ASIC2: variants seen among roughly 807,000 people sequenced by gnomAD.
ASIC2 encodes acid sensing ion channel subunit 2.
Under a neutral mutation model 57.3 loss-of-function variants are expected in ASIC2, and 25 were observed. The observed-to-expected ratio is 0.44, with a 90% CI of 0.32 to 0.61. ASIC2 has a LOEUF of 0.61. Ranked by LOEUF, ASIC2 falls within the 20% of genes least tolerant of loss-of-function variation. ASIC2 has a pLI of 0.06. For missense variants in ASIC2, 641 were observed against 738.1 expected, an observed-to-expected ratio of 0.87 and a Z score of 1.52; for synonymous variants, 319 against 307.5, an observed-to-expected ratio of 1.04 and a Z score of -0.39.
At chr17:33,111,093 G>A (rs111383020) in intron 2 of ASIC2, among the ~76,000 whole-genome samples, 1,901 of 152,198 alleles carry the variant, frequency 0.012, 35 homozygotes, top group African/African-American at 0.043. Context: ...CTTTGCCTCC[G>A]TCATCACACT....
rs61267122 is a variant in ASIC2 at position 33,496,603 on chromosome 17, GTTTTTT to G, written c.556-384542_556-384537del. On this transcript the variant is annotated intron_variant, in intron 1 of 9. Coordinates refer to the ASIC2 transcript ENST00000359872. The stretch of plus-strand genomic sequence containing the variant: ...GCAGAAAAGGAAATAGTTATTGTAG[GTTTTTT>G]TTTTTTTTTTTTTTTTTTTTTTTTT... 5.6e-4 allele frequency among the ~76,000 whole-genome samples: 40 copies of G among 70,998 alleles called. 1 individual carries two copies. Among genetic ancestry groups the G allele is most frequent in the African/African-American group, 2.2e-3 (35 of 15,808 alleles). The allele number at this position is 70,998 out of a possible 152,430, so 46.6% of individuals were successfully genotyped here.
chr17:33,959,515 G>A (rs1651617708), intron 1 of ASIC2, among the ~76,000 whole-genome samples: 2 of 152,210 alleles, frequency 1.3e-5, no homozygotes, highest in African/African-American at 4.8e-5. Context: ...GAAGCTAACA[G>A]TACAGCCTTC....
chr17:34,101,354 T>C (rs1910857971), intron 1 of ASIC2, among the ~76,000 whole-genome samples: 2 of 152,198 alleles, frequency 1.3e-5, no homozygotes, highest in Admixed American at 1.3e-4. Context: ...CCCCTCTGTT[T>C]TTCCCCAAAA....
chr17:33,782,601 T>C (rs1476258368), intron 1 of ASIC2, among the ~76,000 whole-genome samples: 5 of 152,082 alleles, frequency 3.3e-5, no homozygotes, highest in Admixed American at 2.0e-4. Context: ...TGGCGGCATA[T>C]GCCTGTGGTC....
At chr17:33,715,380 G>A (rs150486338) in intron 1 of ASIC2, among the ~76,000 whole-genome samples, 3 of 152,178 alleles carry the variant, frequency 2.0e-5, no homozygotes, top group East Asian at 1.9e-4. Flanking sequence ...CCATGGGAAC[G>A]TGGCTTGCTG....
rs559485437 is a variant in ASIC2, at chr17:33,552,678, T to C, written c.556-440611A>G. 2.5e-4 allele frequency among the ~76,000 whole-genome samples: 38 copies of C among 152,238 alleles called. 1 individual carries two copies. The highest frequency in any genetic ancestry group is 1.4e-3 in the Admixed American group (22 of 15,286). The stretch of plus-strand genomic sequence containing the variant: ...TCTCAACATCTCTTCTTGTTCATCA[T>C]AGATACTTTGAATATTTCTCAGCCA... On this transcript the variant is annotated intron_variant, in intron 1 of 9. Transcript: ENST00000359872.
chr17:33,636,629 G>A (rs1328376800), intron 1 of ASIC2, among the ~76,000 whole-genome samples: 3 of 152,114 alleles, frequency 2.0e-5, no homozygotes, highest in Admixed American at 6.5e-5. Context: ...GCTGCTTTCC[G>A]CAGCTGAGAA....
At chr17:33,114,284 G>A (rs943371066) in intron 1 of ASIC2, among the ~76,000 whole-genome samples, 2 of 152,160 alleles carry the variant, frequency 1.3e-5, no homozygotes, top group African/African-American at 4.8e-5. Context: ...AATTGAACTT[G>A]GCAAATGAAC....
chr17:34,020,887 A>C (rs958762678), intron 1 of ASIC2, among the ~76,000 whole-genome samples: 2 of 152,220 alleles, frequency 1.3e-5, no homozygotes, highest in Non-Finnish European at 2.9e-5. Context: ...GTATTGTTTT[A>C]AGTTGCTAAG....
intron 1 of ASIC2, among the ~76,000 whole-genome samples, chr17:33,787,089 G>A (rs1209565559): frequency 6.6e-6 from 1 of 152,200 alleles, no homozygotes; most frequent in East Asian, 1.9e-4. Context: ...GGGGAGTCCA[G>A]GAGAGAAGGG....
At chr17:34,038,773 G>T in intron 1 of ASIC2, 2 of 1,611,438 alleles carry the variant, frequency 1.2e-6, no homozygotes, top group Admixed American at 3.3e-5. Flanking sequence ...CAGCTCCATT[G>T]GTCTTGCTTT....
At chr17:34,032,931 C>T (rs537128967) in intron 1 of ASIC2, among the ~76,000 whole-genome samples, 1 of 152,152 alleles carries the variant, frequency 6.6e-6, no homozygotes, top group Admixed American at 6.5e-5. Flanking sequence ...TTTAACACCC[C>T]ACTGTCAACA....
At chr17:33,425,308 A>C (rs1567857056) in intron 1 of ASIC2, among the ~76,000 whole-genome samples, 1 of 152,250 alleles carries the variant, frequency 6.6e-6, no homozygotes, top group African/African-American at 2.4e-5. Flanking sequence ...GAAACAGAAG[A>C]AGGAGAAAAA....
At chr17:33,867,932 G>A (rs1385093893) in intron 1 of ASIC2, among the ~76,000 whole-genome samples, 4 of 152,220 alleles carry the variant, frequency 2.6e-5, no homozygotes, top group African/African-American at 9.6e-5. Context: ...CACGATGTCA[G>A]TGGCTTCTTC....
chr17:33,878,985 G>T (rs1255400865), intron 1 of ASIC2, among the ~76,000 whole-genome samples: 1 of 152,120 alleles, frequency 6.6e-6, no homozygotes, highest in South Asian at 2.1e-4. Context: ...TTTCAACCCA[G>T]AATTTCATAT....
At chr17:33,943,914 C>T (rs1042930858) in intron 1 of ASIC2, among the ~76,000 whole-genome samples, 4 of 152,014 alleles carry the variant, frequency 2.6e-5, no homozygotes, top group South Asian at 2.1e-4. Flanking sequence ...GATTCACCCT[C>T]GGAGTGTTTT....
At chr17:33,397,223 C>G (rs1396182526) in intron 1 of ASIC2, among the ~76,000 whole-genome samples, 1 of 152,178 alleles carries the variant, frequency 6.6e-6, no homozygotes, top group African/African-American at 2.4e-5. Context: ...ACTCCCAACC[C>G]TAAAGAGGGT....
intron 1 of ASIC2, among the ~76,000 whole-genome samples, chr17:33,118,963 T>A (rs1174115375): frequency 6.6e-6 from 1 of 152,124 alleles, no homozygotes; most frequent in Non-Finnish European, 1.5e-5. Context: ...GTTTGGGAAA[T>A]GCAAAGTGGA....
At chr17:34,050,977 T>C (rs915545458) in intron 1 of ASIC2, among the ~76,000 whole-genome samples, 1 of 152,222 alleles carries the variant, frequency 6.6e-6, no homozygotes, top group Non-Finnish European at 1.5e-5. Flanking sequence ...GGCTTGCAGA[T>C]AGGTGTTTAT....
Sources: gnomAD v4.1 joint callset for allele counts (sites outside exome capture counted in the v4.1 genomes callset) on GRCh38, gnomAD v4.1.1 for gene constraint, MANE v1.5 for transcripts, NCBI Gene and HGNC (gene_info 2026-07-23, HGNC 2026-07-21) for gene names.